Variants in DOCK6 observed in about 807,000 individuals in gnomAD.
DOCK6 encodes dedicator of cytokinesis protein 6.
In DOCK6, 167 loss-of-function variants were observed where a neutral mutation model predicts 230.3. The ratio of observed to expected loss-of-function variants is 0.73; its 90% CI spans 0.64 to 0.82. The LOEUF (loss-of-function observed/expected upper bound fraction) is 0.82. DOCK6 is among the 40% of genes least tolerant of loss of function. DOCK6 has a pLI of 0.00. For missense variants in DOCK6, 2,598 were observed against 2,825.8 expected (o/e 0.92, Z 1.83); for synonymous variants, 1,148 against 1,185.0 (o/e 0.97, Z 0.64).
Position 11,238,261 on chromosome 19 carries a change from G to A in DOCK6, c.1687C>T (p.Arg563Cys), listed in dbSNP as rs199751409. 15 of 1,612,892 alleles carry A rather than the reference G, an allele frequency of 9.3e-6. No homozygotes were observed. The highest frequency in any genetic ancestry group is 5.0e-5 in the Admixed American group (3 of 59,944). ...VYPHSLNFSS[R>C]QGSVRNLAVR... ...GCAAGGTTGCGCACGGAGCCCTGGC[G>A]GCTGCTGAAGTTGAGGCTGTGCGGG... Residue 563 changes from arginine (R) to cysteine (C), a missense_variant, in exon 15 of 48, where the codon CGC becomes TGC. Physicochemically the swap from Arg to Cys is radical, Grantham distance 180. Transcript: ENST00000294618.
chr19:11,248,285 T>C, intron 6 of DOCK6, 134 bp from the exon 7 acceptor site: 1 of 650,254 alleles, frequency 1.5e-6, no homozygotes, highest in South Asian at 2.0e-5. Flanking sequence ...TCTGAGCCTT[T>C]ACACGTGCTG....
At chr19:11,251,454 T>C in intron 5 of DOCK6, 1 of 198,304 alleles carries the variant, frequency 5.0e-6, no homozygotes, top group African/African-American at 2.3e-5. Flanking sequence ...AAGGAGAGAG[T>C]TCTTCCTGAC....
Position 11,222,595 on chromosome 19 carries a change from T to G in DOCK6, c.3240+140A>C, listed in dbSNP as rs888843266. 4 of 1,000,746 alleles carry G rather than the reference T, an allele frequency of 4.0e-6. No homozygotes were observed. Among genetic ancestry groups the G allele is most frequent in the African/African-American group, 3.3e-5 (2 of 60,806 alleles). The allele number at this position is 1,000,746 out of a possible 1,614,324, so 62.0% of individuals were successfully genotyped here. On this transcript the variant is annotated intron_variant, in intron 26 of 47. Coordinates refer to ENST00000294618, the MANE Select transcript of DOCK6 (RefSeq NM_020812.4). The surrounding 1 kb of genome is among the most constrained non-coding windows in gnomAD (Gnocchi z 4.0). ...GGCAAGAGAGGTGAAGGGTCAGAAG[T>G]CAAAAGTCAAACATAAGGGATTAGT...
At chr19:11,237,353 TA>T (rs2079864865) in intron 18 of DOCK6, 102 bp downstream of exon 18, 1 of 1,306,114 alleles carries the variant, frequency 7.7e-7, no homozygotes, top group Admixed American at 1.8e-5. Flanking sequence ...GAGGCACCAG[TA>T]GAGGATAACA....
At chr19:11,251,850 C>A (rs1456114653) in intron 5 of DOCK6, 6 of 477,830 alleles carry the variant, frequency 1.3e-5, no homozygotes, top group East Asian at 3.8e-5. Flanking sequence ...CCTCTAAGAA[C>A]CTTGCTGTGC....
intron 39 of DOCK6, among the ~76,000 whole-genome samples, chr19:11,207,787 G>A (rs1216310090): frequency 1.3e-5 from 2 of 151,714 alleles, no homozygotes; most frequent in South Asian, 2.1e-4. Flanking sequence ...AAAATTAGCC[G>A]GACATAGTGA....
At chr19:11,241,307 T>A in intron 14 of DOCK6, 1 of 618,792 alleles carries the variant, frequency 1.6e-6, no homozygotes, top group Non-Finnish European at 2.9e-6. Flanking sequence ...TATCCCCATT[T>A]TACAGATGGG....
intron 1 of DOCK6, among the ~76,000 whole-genome samples, chr19:11,254,562 G>A (rs1021629651): frequency 6.6e-6 from 1 of 152,080 alleles, no homozygotes; most frequent in Non-Finnish European, 1.5e-5. Context: ...GACTCCTGTA[G>A]TCCCAGCTAC....
rs199854437 is a variant in DOCK6 at position 11,243,557 on chromosome 19, C to T, written c.1258G>A (p.Glu420Lys). 2.7e-5 allele frequency: 43 copies of T among 1,599,622 alleles called. No homozygotes were observed. In the East Asian group the frequency reaches 9.8e-4, roughly 36 times the overall value. Residue 420 changes from glutamate to lysine, a missense_variant and splice_region_variant, in exon 11 of 48, where the codon GAG (glutamate) becomes AAG (lysine). Glu to Lys is a moderately conservative substitution (Grantham distance 56, BLOSUM62 1). Coordinates refer to ENST00000294618, the MANE Select transcript of DOCK6 (RefSeq NM_020812.4). The surrounding 1 kb of genome is among the most constrained non-coding windows in gnomAD (Gnocchi z 6.3). Reference protein sequence around the residue: ...QLDRDSDSEGERRPAWTDRRR... With the variant: ...QLDRDSDSEGKRRPAWTDRRR... ...AAGCCTGTTAGCCCCGCCTCCTCAC[C>T]GCCCTCCGAGTCAGAGTCCCGGTCC...
chr19:11,236,198 C>G lies in DOCK6; in HGVS notation c.2392+148G>C, dbSNP rs917544935. ...CCCGGGCCAAAGGGTCACAGAAGAC[C>G]TTCTCTGGGTGCAGGGGACTGGAGG... On this transcript the variant is annotated intron_variant, in intron 20 of 47. Transcript: ENST00000294618. The surrounding 1 kb of genome is among the most constrained non-coding windows in gnomAD (Gnocchi z 5.2). 2.5e-6 allele frequency: 2 copies of G among 807,858 alleles called. No homozygotes were observed. The highest frequency in any genetic ancestry group is 3.5e-5 in the African/African-American group (2 of 57,570). 50.0% of individuals were successfully genotyped at this position (807,858 alleles called of 1,614,324 possible).
chr19:11,245,424 G>T (rs2080016551), intron 9 of DOCK6, 139 bp downstream of exon 9: 1 of 943,104 alleles, frequency 1.1e-6, no homozygotes, highest in Non-Finnish European at 1.6e-6. Context: ...TTGGATCAGG[G>T]GCCTCCTCCC....
chr19:11,223,256 G>A (rs1320612254), intron 24 of DOCK6, 150 bp from the exon 25 acceptor site: 1 of 706,720 alleles, frequency 1.4e-6, no homozygotes, highest in Non-Finnish European at 2.3e-6. Flanking sequence ...GGACTTCCTG[G>A]TTGTCCTCCT....
chr19:11,209,870 TCCCCTCACCTGTCCAC>T (rs1473333760), intron 37 of DOCK6, among the ~76,000 whole-genome samples: 7 of 66,072 alleles, frequency 1.1e-4, no homozygotes, highest in East Asian at 1.1e-3. Context: ...CACCTGTCTA[TCCCCTCACCTGTCCAC>T]CCCCTCACCT....
intron 2 of DOCK6, among the ~76,000 whole-genome samples, chr19:11,253,227 G>A (rs1032896383): frequency 2.3e-4 from 35 of 152,128 alleles, no homozygotes; most frequent in African/African-American, 8.2e-4. Flanking sequence ...ACAGTGGAAG[G>A]AAAGAAATGT....
chr19:11,248,381 A>G (rs1231414034), intron 6 of DOCK6, among the ~76,000 whole-genome samples: 2 of 152,112 alleles, frequency 1.3e-5, no homozygotes, highest in African/African-American at 4.8e-5. Flanking sequence ...TCTACTATAT[A>G]GAGGTATATA....
chr19:11,239,536 G>C, intron 14 of DOCK6: 1 of 1,412,558 alleles, frequency 7.1e-7, no homozygotes, highest in Non-Finnish European at 9.8e-7. Flanking sequence ...TGCAATGCGG[G>C]GCACCAGGTC....
chr19:11,238,361 A>G, intron 14 of DOCK6, 57 bp from the exon 15 acceptor site: 1 of 1,480,550 alleles, frequency 6.8e-7, no homozygotes, highest in Non-Finnish European at 9.2e-7. Flanking sequence ...GTGCACATAC[A>G]AGGCTGGGGT....
At chr19:11,241,286 G>A (rs1300778784) in intron 14 of DOCK6, among the ~76,000 whole-genome samples, 1 of 151,904 alleles carries the variant, frequency 6.6e-6, no homozygotes, top group Non-Finnish European at 1.5e-5. Context: ...CCCATGAAGT[G>A]AGTCCTATTT....
intron 14 of DOCK6, chr19:11,240,411 A>G: frequency 9.4e-7 from 1 of 1,068,988 alleles, no homozygotes; most frequent in Non-Finnish European, 1.3e-6. Flanking sequence ...TGTGGCCTCT[A>G]CCCTGCATGT....
Sources: allele counts gnomAD v4.1 joint callset (sites outside exome capture counted in the v4.1 genomes callset), GRCh38; gene constraint gnomAD v4.1.1; non-coding constraint Gnocchi (gnomAD v3.1); transcripts MANE v1.5; gene names NCBI Gene and HGNC (gene_info 2026-07-23, HGNC 2026-07-21).